ATP8A2: variants seen among roughly 807,000 people sequenced by gnomAD.
The protein encoded by ATP8A2 is phospholipid-transporting ATPase IB.
Under a neutral mutation model 165.6 loss-of-function variants are expected in ATP8A2, and 100 were observed. The observed-to-expected ratio is 0.60, with a 90% CI of 0.51 to 0.71. The LOEUF (loss-of-function observed/expected upper bound fraction) is 0.71, where lower values mean the gene tolerates loss of function less well. ATP8A2 is among the 30% of genes least tolerant of loss of function. The pLI is 0.00. For missense variants in ATP8A2, 1,227 were observed against 1,479.5 expected, an observed-to-expected ratio of 0.83 and a Z score of 2.80; for synonymous variants, 543 against 548.8, an observed-to-expected ratio of 0.99 and a Z score of 0.15.
At chr13:25,539,945 G>A (rs1258333800) in intron 7 of ATP8A2, among the ~76,000 whole-genome samples, 6 of 152,176 alleles carry the variant, frequency 3.9e-5, no homozygotes, top group African/African-American at 1.4e-4. Flanking sequence ...CATGCCTTGG[G>A]CAGCCTTTTT....
At chr13:25,891,690 C>T (rs1341762600) in intron 33 of ATP8A2, among the ~76,000 whole-genome samples, 2 of 152,084 alleles carry the variant, frequency 1.3e-5, no homozygotes, top group African/African-American at 4.8e-5. Flanking sequence ...CATTAGGGGG[C>T]TCTGTGAGGT....
chr13:25,550,220 G>C (rs1043065279), intron 10 of ATP8A2, among the ~76,000 whole-genome samples: 1 of 152,136 alleles, frequency 6.6e-6, no homozygotes, highest in African/African-American at 2.4e-5. Context: ...CACAAGAATT[G>C]CTTGAACCCA....
At position 25,825,934 on chromosome 13, in the gene ATP8A2, G is replaced by A. The variant is rs181686520; in HGVS notation, c.2680-2184G>A. Among the ~76,000 whole-genome samples the A allele has an allele frequency of 6.6e-5, 10 of 152,180 alleles. 1 individual carries two copies. The highest frequency in any genetic ancestry group is 6.5e-4 in the Admixed American group (10 of 15,280). ...AGCATCAGATCCTACAAAGAATGGT[G>A]ATGACAGAGGATGGAGGGAATTGGG... On this transcript the variant is annotated intron_variant, in intron 27 of 36. Transcript: ENST00000381655.
At chr13:26,004,044 CT>C (rs1269755880) in intron 35 of ATP8A2, among the ~76,000 whole-genome samples, 4 of 152,134 alleles carry the variant, frequency 2.6e-5, no homozygotes, top group African/African-American at 9.6e-5. Flanking sequence ...ATCTTTTTCT[CT>C]TTCTGTGAAA....
At chr13:25,833,802 A>G (rs775471867) in intron 28 of ATP8A2, among the ~76,000 whole-genome samples, 1 of 152,236 alleles carries the variant, frequency 6.6e-6, no homozygotes, top group Non-Finnish European at 1.5e-5. Flanking sequence ...GGACATGCAG[A>G]AGCATTTCTT....
At chr13:25,425,125 G>T (rs1394870066) in intron 1 of ATP8A2, among the ~76,000 whole-genome samples, 4 of 152,110 alleles carry the variant, frequency 2.6e-5, no homozygotes, top group African/African-American at 9.7e-5. Flanking sequence ...TAAAAATGAA[G>T]AAATTGGCTG....
At chr13:25,996,650 T>G (rs1593690532) in intron 35 of ATP8A2, among the ~76,000 whole-genome samples, 1 of 152,084 alleles carries the variant, frequency 6.6e-6, no homozygotes, top group Non-Finnish European at 1.5e-5. Context: ...CTCAGCCTCC[T>G]AAGTAGCTGG....
chr13:25,922,419 C>T (rs890583200), intron 33 of ATP8A2, among the ~76,000 whole-genome samples: 17 of 152,180 alleles, frequency 1.1e-4, no homozygotes, highest in African/African-American at 3.1e-4. Flanking sequence ...ACGATGAAAT[C>T]TTCAGATCCT....
chr13:25,933,557 T>A (rs1379573166), intron 33 of ATP8A2, among the ~76,000 whole-genome samples: 6 of 152,222 alleles, frequency 3.9e-5, no homozygotes, highest in Non-Finnish European at 8.8e-5. Flanking sequence ...GCAGTGATCG[T>A]GATTACACTA....
chr13:25,405,457 C>CT (rs1237004346), intron 1 of ATP8A2, among the ~76,000 whole-genome samples: 1 of 152,210 alleles, frequency 6.6e-6, no homozygotes, highest in Non-Finnish European at 1.5e-5. Flanking sequence ...TCCCCCAGGT[C>CT]TTCTTTCTGA....
chr13:25,877,365 G>A (rs1447197535), intron 33 of ATP8A2, among the ~76,000 whole-genome samples: 2 of 152,188 alleles, frequency 1.3e-5, no homozygotes, highest in African/African-American at 4.8e-5. Flanking sequence ...TTAAAAATTC[G>A]ATAGGGTGAA....
chr13:25,676,355 C>T (rs1037790839), intron 24 of ATP8A2, among the ~76,000 whole-genome samples: 1 of 152,136 alleles, frequency 6.6e-6, no homozygotes, highest in Non-Finnish European at 1.5e-5. Flanking sequence ...ATCTCAGTAG[C>T]TCTTCCCCCG....
At position 25,762,934 on chromosome 13, in the gene ATP8A2, G is replaced by A. The variant is rs529566051; in HGVS notation, c.2385-6112G>A. 1.9e-3 allele frequency among the ~76,000 whole-genome samples: 284 copies of A among 152,282 alleles called. 1 individual carries two copies. The highest frequency in any genetic ancestry group is 3.9e-3 in the African/African-American group (162 of 41,562). On this transcript the variant is annotated intron_variant, in intron 25 of 36. Coordinates refer to ENST00000381655, the MANE Select transcript of ATP8A2 (RefSeq NM_016529.6). ...GCTCTTTCATGATGCAGCTGATGGCGTTAGGGAAAGAATGTTAACTCAAGT... is the reference window on the plus strand; with the variant it reads ...GCTCTTTCATGATGCAGCTGATGGCATTAGGGAAAGAATGTTAACTCAAGT...
intron 25 of ATP8A2, among the ~76,000 whole-genome samples, chr13:25,752,253 G>T (rs527524134): frequency 2.6e-5 from 4 of 152,108 alleles, no homozygotes; most frequent in African/African-American, 9.6e-5. Flanking sequence ...TTGGGGTCAG[G>T]AGTTCAAGAC....
chr13:25,597,708 A>C (rs1345477226), intron 24 of ATP8A2, among the ~76,000 whole-genome samples: 1 of 152,226 alleles, frequency 6.6e-6, no homozygotes, highest in East Asian at 1.9e-4. Flanking sequence ...GGTCCTAAGC[A>C]GCAGATTTAG....
chr13:25,976,332 GT>G (rs1397359699), intron 35 of ATP8A2, among the ~76,000 whole-genome samples: 3 of 152,096 alleles, frequency 2.0e-5, no homozygotes, highest in Non-Finnish European at 4.4e-5. Flanking sequence ...GTTTCCTCAT[GT>G]GCAGAAAAGG....
chr13:25,484,708 A>G (rs1221664050), intron 2 of ATP8A2, among the ~76,000 whole-genome samples: 5 of 151,732 alleles, frequency 3.3e-5, no homozygotes, highest in Non-Finnish European at 7.4e-5. Context: ...GTAGAGATGG[A>G]ATTTCACTAT....
intron 10 of ATP8A2, among the ~76,000 whole-genome samples, chr13:25,545,004 G>C (rs780305872): frequency 3.3e-5 from 5 of 150,224 alleles, no homozygotes; most frequent in African/African-American, 4.9e-5. Flanking sequence ...GCTACCTTCA[G>C]AGGCCAAAGG....
At chr13:25,859,223 A>G (rs949011192) in intron 30 of ATP8A2, among the ~76,000 whole-genome samples, 9 of 151,886 alleles carry the variant, frequency 5.9e-5, no homozygotes, top group South Asian at 2.1e-4. Context: ...AAAACAAAAC[A>G]AAACAAAAAC....
Sources: allele counts gnomAD v4.1 joint callset (sites outside exome capture counted in the v4.1 genomes callset), GRCh38; gene constraint gnomAD v4.1.1; transcripts MANE v1.5; gene names NCBI Gene and HGNC (gene_info 2026-07-23, HGNC 2026-07-21).